EXTL2: variants seen among roughly 807,000 people sequenced by gnomAD.
EXTL2 encodes the protein exostosin like glycosyltransferase 2, also known as exostosin-like 2.
Under a neutral mutation model 30.7 loss-of-function variants are expected in EXTL2, and 23 were observed. That is an observed-to-expected ratio of 0.75 (90% CI 0.54 to 1.06). The LOEUF is 1.06. Ranked by LOEUF, EXTL2 falls within the 50% of genes least tolerant of loss-of-function variation. EXTL2 has a pLI of 0.00. For synonymous variants in EXTL2, 123 were observed against 133.8 expected (o/e 0.92, Z 0.56); for missense variants, 352 against 396.3 (o/e 0.89, Z 0.95).
In EXTL2 at chr1:100,874,268, G is replaced by T; in HGVS notation, c.667C>A (p.Leu223Ile). 1.9e-6 allele frequency: 3 copies of T among 1,612,854 alleles called. No individual in the cohort carries two copies. Among genetic ancestry groups the T allele is most frequent in the Non-Finnish European group, 1.7e-6 (2 of 1,179,376 alleles). Residue 223 changes from leucine (L) to isoleucine (I), a missense_variant, in exon 5 of 5, where the codon CTT becomes ATT. Coordinates refer to ENST00000370114, the MANE Select transcript of EXTL2 (RefSeq NM_001033025.3). ...IGASFFNSKYLELFQRQPAAV... is the reference protein window; with the variant it reads ...IGASFFNSKYIELFQRQPAAV... The stretch of plus-strand genomic sequence containing the variant: ...GCAGGTTGCCTCTGAAATAATTCAA[G>T]ATATTTGCTATTGAAGAATGAGGCT...
At chr1:100,878,251 C>CCTCCCA in intron 2 of EXTL2, 1 of 313,402 alleles carries the variant, frequency 3.2e-6, no homozygotes, top group Non-Finnish European at 6.3e-6. Context: ...ATATTAATTT[C>CCTCCCA]GAATCTACAC....
At chr1:100,886,069 T>C (rs959876051) in intron 2 of EXTL2, among the ~76,000 whole-genome samples, 1 of 152,236 alleles carries the variant, frequency 6.6e-6, no homozygotes, top group East Asian at 1.9e-4. Flanking sequence ...TATGAATGGA[T>C]CATTTAGATG....
In EXTL2 at chr1:100,877,506, G is replaced by A. The variant is rs2100921499; in HGVS notation, c.403C>T (p.Leu135Phe). Reference sequence around the variant, plus strand: ...GTTTCCAGTTCAGGAAAGACCTGGAGTCGATTTCTCATCCTGTTTGCTGTC... The same window carrying A: ...GTTTCCAGTTCAGGAAAGACCTGGAATCGATTTCTCATCCTGTTTGCTGTC... ...QQTANRMRNRLQVFPELETNA... is the reference protein window; with the variant it reads ...QQTANRMRNRFQVFPELETNA... Residue 135 changes from leucine to phenylalanine, a missense_variant, in exon 3 of 5, where the codon CTC becomes TTC. Leu to Phe is a conservative substitution (Grantham distance 22). Coordinates refer to ENST00000370114, the MANE Select transcript of EXTL2 (RefSeq NM_001033025.3). The surrounding 1 kb of genome is among the most constrained non-coding windows in gnomAD (Gnocchi z 4.1). 2 of 1,607,974 alleles carry A rather than the reference G, an allele frequency of 1.2e-6. No homozygotes were observed. The highest frequency in any genetic ancestry group is 8.5e-7 in the Non-Finnish European group (1 of 1,176,954).
intron 1 of EXTL2, among the ~76,000 whole-genome samples, chr1:100,890,998 TAGA>T (rs1650380646): frequency 6.6e-6 from 1 of 152,236 alleles, no homozygotes; most frequent in African/African-American, 2.4e-5. Context: ...GAATGGGTAG[TAGA>T]AGAAGGTAGT....
At chr1:100,886,029 T>C (rs1331507262) in intron 2 of EXTL2, 1 of 152,256 alleles carries the variant, frequency 6.6e-6, no homozygotes, top group Non-Finnish European at 1.5e-5. Context: ...ATTCATCTTG[T>C]GATCTTATGT....
chr1:100,887,023 A>G (rs1650024000), intron 2 of EXTL2, among the ~76,000 whole-genome samples: 1 of 152,216 alleles, frequency 6.6e-6, no homozygotes. Flanking sequence ...AGAAATAGAA[A>G]AGCATTTTTA....
chr1:100,891,054 G>C (rs1650385290), intron 1 of EXTL2, among the ~76,000 whole-genome samples: 1 of 152,184 alleles, frequency 6.6e-6, no homozygotes, highest in African/African-American at 2.4e-5. Flanking sequence ...GCAGAAATTA[G>C]GACTGTAATT....
chr1:100,879,768 G>A (rs373733806), intron 2 of EXTL2, among the ~76,000 whole-genome samples: 9 of 152,052 alleles, frequency 5.9e-5, no homozygotes, highest in African/African-American at 1.9e-4. Flanking sequence ...TTTATTTTTG[G>A]TACTCCCCCT....
intron 1 of EXTL2, among the ~76,000 whole-genome samples, chr1:100,893,674 A>G (rs1221653100): frequency 1.3e-5 from 2 of 152,238 alleles, no homozygotes; most frequent in Non-Finnish European, 2.9e-5. Flanking sequence ...GACAATGACA[A>G]AAGAAGTGAG....
At chr1:100,881,445 G>A (rs944627278) in intron 2 of EXTL2, among the ~76,000 whole-genome samples, 7 of 152,214 alleles carry the variant, frequency 4.6e-5, no homozygotes, top group African/African-American at 1.2e-4. Context: ...GACCTATGTC[G>A]TACTTGGGAA....
At chr1:100,883,229 T>C (rs116807587) in intron 2 of EXTL2, among the ~76,000 whole-genome samples, 3,435 of 152,336 alleles carry the variant, frequency 0.023, 122 homozygotes, top group African/African-American at 0.075. Context: ...AAGGAGAGAT[T>C]ACATACAATA....
intron 2 of EXTL2, among the ~76,000 whole-genome samples, chr1:100,881,287 T>A (rs1206297038): frequency 2.6e-5 from 4 of 152,208 alleles, no homozygotes; most frequent in African/African-American, 7.2e-5. Flanking sequence ...ACAGCTTCAG[T>A]ACAATTTGGA....
intron 2 of EXTL2, among the ~76,000 whole-genome samples, chr1:100,883,286 C>T (rs1037240813): frequency 6.6e-6 from 1 of 152,132 alleles, no homozygotes; most frequent in African/African-American, 2.4e-5. Context: ...TTAATATAAT[C>T]ACAGAGTTTT....
intron 1 of EXTL2, among the ~76,000 whole-genome samples, chr1:100,892,735 A>G (rs1650527883): frequency 6.6e-6 from 1 of 152,252 alleles, no homozygotes; most frequent in Non-Finnish European, 1.5e-5. Context: ...GATGTATGCC[A>G]TGGAGCAAAA....
intron 2 of EXTL2, 174 bp downstream of exon 2, chr1:100,888,579 T>G: frequency 2.5e-6 from 1 of 403,182 alleles, no homozygotes; most frequent in Non-Finnish European, 4.5e-6. Flanking sequence ...TGTTGTTCAG[T>G]GGGTATAAAG....
chr1:100,892,988 A>T (rs1270497444), intron 1 of EXTL2, among the ~76,000 whole-genome samples: 2 of 152,144 alleles, frequency 1.3e-5, no homozygotes. Flanking sequence ...CCATGACTGA[A>T]ATGAGCTTCT....
At chr1:100,876,913 C>G (rs1390984049) in intron 3 of EXTL2, 49 bp from the exon 4 acceptor site, 1 of 1,270,368 alleles carries the variant, frequency 7.9e-7, no homozygotes, top group Admixed American at 1.7e-5. Context: ...GAAATGAAAA[C>G]AAAAGTAGTA....
rs926398550 is a variant in EXTL2 at position 100,894,640 on chromosome 1, G to T, written c.-79C>A. On this transcript the variant is annotated 5_prime_UTR_variant, in exon 1 of 5. An upstream open reading frame in the 5' UTR gains an earlier in-frame stop. Coordinates refer to ENST00000370114, the MANE Select transcript of EXTL2 (RefSeq NM_001033025.3). The stretch of plus-strand genomic sequence containing the variant: ...TTTGCTGTGTCTCCTTACCTCGAGT[G>T]CAGTAGATTGCAGTAGGGCCAGCCG... 2 of 152,140 alleles carry T rather than the reference G, an allele frequency of 1.3e-5. No individual in the cohort carries two copies. Among genetic ancestry groups the T allele is most frequent in the Non-Finnish European group, 1.5e-5 (1 of 68,034 alleles). 9.4% of individuals were successfully genotyped at this position (152,140 alleles called of 1,614,324 possible). A position where few individuals can be genotyped will look rare whatever the true frequency, so the allele number is the denominator to read the frequency against.
In EXTL2 at chr1:100,893,085, T is replaced by C. The variant is rs577582355; in HGVS notation, c.-72+1548A>G. Among the ~76,000 whole-genome samples the C allele has an allele frequency of 2.0e-5, 3 of 152,350 alleles. No individual in the cohort carries two copies. In the East Asian group the frequency reaches 5.8e-4, roughly 29 times the overall value. On this transcript the variant is annotated intron_variant, in intron 1 of 4. Coordinates refer to ENST00000370114, the MANE Select transcript of EXTL2 (RefSeq NM_001033025.3). Reference sequence around the variant, plus strand: ...GGTTTTTCCACCCATAGAGTCTGCATAGCTAACCTAATGCAATTAGTTGGT... The same window carrying C: ...GGTTTTTCCACCCATAGAGTCTGCACAGCTAACCTAATGCAATTAGTTGGT...
Sources: allele counts gnomAD v4.1 joint callset (sites outside exome capture counted in the v4.1 genomes callset), GRCh38; gene constraint gnomAD v4.1.1; non-coding constraint Gnocchi (gnomAD v3.1); transcripts MANE v1.5; gene names NCBI Gene and HGNC (gene_info 2026-07-23, HGNC 2026-07-21).